Variants in IL1RAPL1 observed in about 807,000 individuals in gnomAD.
IL1RAPL1 encodes the protein interleukin-1 receptor accessory protein-like 1.
In IL1RAPL1, 3 loss-of-function variants were observed where a neutral mutation model predicts 48.4. That is an observed-to-expected ratio of 0.06 (90% confidence interval 0.03 to 0.16). IL1RAPL1 has a LOEUF of 0.16. Ranked by LOEUF, IL1RAPL1 falls within the 10% of genes least tolerant of loss-of-function variation. The pLI, the probability that IL1RAPL1 is intolerant of heterozygous loss-of-function variation, is 1.00. For synonymous variants in IL1RAPL1, 185 were observed against 187.7 expected (o/e 0.99, Z 0.12); for missense variants, 349 against 530.6 (o/e 0.66, Z 3.36).
intron 1 of IL1RAPL1, among the ~76,000 whole-genome samples, chrX:28,758,495 A>G (rs1317393132): frequency 9.0e-6 from 1 of 111,545 alleles, no homozygotes; most frequent in Non-Finnish European, 1.9e-5. Context: ...GAATAGAGCT[A>G]CTTTTGAAAG....
In IL1RAPL1 at chrX:29,955,623, G is replaced by A. The variant is rs1285357262; in HGVS notation, c.1894G>A (p.Val632Ile). 8.3e-6 allele frequency: 10 copies of A among 1,209,233 alleles called. No individual in the cohort carries two copies. Among genetic ancestry groups the A allele is most frequent in the Non-Finnish European group, 1.1e-5 (10 of 894,084 alleles). The change falls in exon 11 of 11, where the codon GTA becomes ATA. Residue 632 changes from valine to isoleucine, a missense_variant. Physicochemically the swap from Val to Ile is conservative, Grantham distance 29. Coordinates refer to ENST00000378993, the MANE Select transcript of IL1RAPL1 (RefSeq NM_014271.4). ...CTACTACCGAAGCTATGAGTACGACGTACCTCCTACCGGCACCCTGCCTCT... is the reference window on the plus strand; with the variant it reads ...CTACTACCGAAGCTATGAGTACGACATACCTCCTACCGGCACCCTGCCTCT... ...KHYYRSYEYD[V>I]PPTGTLPLTS...
intron 5 of IL1RAPL1, among the ~76,000 whole-genome samples, chrX:29,508,529 C>T (rs1427157108): frequency 9.0e-6 from 1 of 111,671 alleles, no homozygotes; most frequent in Non-Finnish European, 1.9e-5. Flanking sequence ...TTCCAAGCCT[C>T]CTAATACCCA....
At chrX:29,314,155 T>A (rs1484565427) in intron 3 of IL1RAPL1, among the ~76,000 whole-genome samples, 1 of 112,093 alleles carries the variant, frequency 8.9e-6, no homozygotes, top group Non-Finnish European at 1.9e-5. Flanking sequence ...CTTAGTGCAG[T>A]AATAAAGATC....
intron 5 of IL1RAPL1, among the ~76,000 whole-genome samples, chrX:29,491,669 A>G (rs943258000): frequency 2.7e-5 from 3 of 112,173 alleles, no homozygotes; most frequent in Non-Finnish European, 3.8e-5. Context: ...GAATAATAGC[A>G]TATTCCTTTT....
Position 29,752,362 on chromosome X carries a change from G to A in IL1RAPL1, c.778+83858G>A, listed in dbSNP as rs1214910934. 8.4e-5 allele frequency among the ~76,000 whole-genome samples: 9 copies of A among 106,855 alleles called. 1 individual carries two copies. The highest frequency in any genetic ancestry group is 3.1e-4 in the Admixed American group (3 of 9,766). 92.8% of individuals were successfully genotyped at this position (106,855 alleles called of 115,157 possible). ...AATACAAAAATTAGTCAGGCGTTGCGGCATGCGCCTGTAGTCCCAGCTACT... is the reference window on the plus strand; with the variant it reads ...AATACAAAAATTAGTCAGGCGTTGCAGCATGCGCCTGTAGTCCCAGCTACT... On this transcript the variant is annotated intron_variant, in intron 6 of 10. Transcript: ENST00000378993.
chrX:29,651,116 A>G (rs563005895), intron 5 of IL1RAPL1, among the ~76,000 whole-genome samples: 6,597 of 110,334 alleles, frequency 0.06, 224 homozygotes, highest in Middle Eastern at 0.2. Flanking sequence ...TCAAAAAAAA[A>G]AAAAGATAAG....
Position 28,812,004 on chromosome X carries a change from A to C in IL1RAPL1, c.82+22579A>C, listed in dbSNP as rs181256488. On this transcript the variant is annotated intron_variant, in intron 2 of 10. Transcript: ENST00000378993. Reference sequence around the variant, plus strand: ...GATGAGTTGTTTAGGAGAATTATACATGATATAAAGAAAGGTCACAGCCAT... The same window carrying C: ...GATGAGTTGTTTAGGAGAATTATACCTGATATAAAGAAAGGTCACAGCCAT... Among the ~76,000 whole-genome samples the C allele has an allele frequency of 4.5e-3, 497 of 110,892 alleles. 13 individuals are homozygous for C. Among genetic ancestry groups the C allele is most frequent in the Admixed American group, 0.041 (429 of 10,399 alleles).
chrX:29,300,907 C>A (rs764659945), intron 3 of IL1RAPL1, among the ~76,000 whole-genome samples: 1 of 110,292 alleles, frequency 9.1e-6, no homozygotes, highest in Non-Finnish European at 1.9e-5. Context: ...CCCTAATCGC[C>A]CCCCCTGGAG....
At chrX:28,852,079 C>A (rs1921676599) in intron 2 of IL1RAPL1, among the ~76,000 whole-genome samples, 1 of 111,729 alleles carries the variant, frequency 9.0e-6, no homozygotes, top group East Asian at 2.8e-4. Flanking sequence ...CTACACATGA[C>A]CTTTGGAATT....
chrX:28,705,579 G>T (rs902677302), intron 1 of IL1RAPL1, among the ~76,000 whole-genome samples: 1 of 111,913 alleles, frequency 8.9e-6, no homozygotes, highest in Non-Finnish European at 1.9e-5. Flanking sequence ...CATAATAGAC[G>T]TTGTAATATA....
At chrX:29,771,142 TA>T (rs758055400) in intron 6 of IL1RAPL1, among the ~76,000 whole-genome samples, 7 of 112,334 alleles carry the variant, frequency 6.2e-5, no homozygotes, top group Non-Finnish European at 1.1e-4. Flanking sequence ...CAGGAGACTC[TA>T]TAAGTTTTCA....
intron 5 of IL1RAPL1, among the ~76,000 whole-genome samples, chrX:29,452,253 ATTCT>A (rs1471151971): frequency 8.9e-6 from 1 of 111,822 alleles, no homozygotes; most frequent in African/African-American, 3.2e-5. Flanking sequence ...AACTTATCTG[ATTCT>A]TTCTTTATAT....
intron 2 of IL1RAPL1, among the ~76,000 whole-genome samples, chrX:29,234,641 T>C (rs1441613173): frequency 8.9e-6 from 1 of 111,817 alleles, no homozygotes; most frequent in African/African-American, 3.3e-5. Flanking sequence ...AGAGACATCC[T>C]CCAGATACAA....
chrX:28,638,057 C>A (rs1371270097), intron 1 of IL1RAPL1, among the ~76,000 whole-genome samples: 1 of 111,914 alleles, frequency 8.9e-6, no homozygotes, highest in Non-Finnish European at 1.9e-5. Context: ...CTGGAAGTTT[C>A]TCTATTTATT....
intron 5 of IL1RAPL1, among the ~76,000 whole-genome samples, chrX:29,419,521 A>G (rs976459397): frequency 1.8e-5 from 2 of 110,916 alleles, no homozygotes; most frequent in Non-Finnish European, 3.8e-5. Context: ...GCGTTTCACC[A>G]TGTTGGCCAA....
chrX:29,089,114 G>T (rs752791335), intron 2 of IL1RAPL1, among the ~76,000 whole-genome samples: 1 of 111,379 alleles, frequency 9.0e-6, no homozygotes, highest in Admixed American at 9.6e-5. Flanking sequence ...ATTTTTTCAG[G>T]TAATTCTGCA....
chrX:29,191,764 T>G (rs938672112), intron 2 of IL1RAPL1, among the ~76,000 whole-genome samples: 1 of 111,617 alleles, frequency 9.0e-6, no homozygotes, highest in African/African-American at 3.3e-5. Context: ...GCCTGTGGTT[T>G]CTTTCACTGG....
At chrX:29,312,029 A>G (rs1327191318) in intron 3 of IL1RAPL1, among the ~76,000 whole-genome samples, 1 of 112,092 alleles carries the variant, frequency 8.9e-6, no homozygotes, top group Admixed American at 9.4e-5. Flanking sequence ...ACAGTCTGGT[A>G]AGTTCTAAGA....
At chrX:29,122,116 T>C (rs1460802614) in intron 2 of IL1RAPL1, among the ~76,000 whole-genome samples, 1 of 110,874 alleles carries the variant, frequency 9.0e-6, no homozygotes, top group Admixed American at 9.8e-5. Flanking sequence ...ATATTTTATC[T>C]TTAAATTTAA....
Sources: allele counts gnomAD v4.1 joint callset (sites outside exome capture counted in the v4.1 genomes callset), GRCh38; gene constraint gnomAD v4.1.1; transcripts MANE v1.5; gene names NCBI Gene and HGNC (gene_info 2026-07-23, HGNC 2026-07-21).